SPEN: variants seen among roughly 807,000 people sequenced by gnomAD.
The protein encoded by SPEN is msx2-interacting protein.
In SPEN, 18 loss-of-function variants were observed where a neutral mutation model predicts 269.9. That is an observed-to-expected ratio of 0.07 (90% confidence interval 0.05 to 0.10). The LOEUF (loss-of-function observed/expected upper bound fraction) is 0.10, where lower values mean the gene tolerates loss of function less well. Among genes scored for constraint, SPEN ranks in the 10% least tolerant of loss-of-function variants. The probability of loss-of-function intolerance (pLI) is 1.00; values close to 1 mark genes in which losing one functional copy is unlikely to be tolerated. For synonymous variants in SPEN, 1,726 were observed against 1,765.7 expected, an observed-to-expected ratio of 0.98 and a Z score of 0.56; for missense variants, 3,822 against 4,631.2, an observed-to-expected ratio of 0.83 and a Z score of 5.07.
rs765349165 is a variant in SPEN, at chr1:15,929,473, C to T, written c.3233C>T (p.Ser1078Leu). The T allele has an allele frequency of 3.1e-6, 5 of 1,613,248 alleles. No individual in the cohort carries two copies. In the South Asian group the frequency reaches 4.4e-5, roughly 14 times the overall value. ...GCCAGTATTTCTGTTGGGTCTGGCT[C>T]AAGGCCCAGCTCAGACCTACAAGCA... is the stretch of plus-strand genomic sequence containing the variant. ...ELASISVGSG[S>L]RPSSDLQARL... Residue 1078 changes from serine to leucine, a missense_variant, in exon 11 of 15, where the codon TCA becomes TTA. Around this residue, in one of 16 missense-constraint regions of SPEN, gnomAD observed 572 missense variants for 582.6 expected, o/e 0.98. Transcript: ENST00000375759. This position sits in a 1 kb window ranked among gnomAD's most constrained non-coding sequence, Gnocchi z 5.8.
intron 5 of SPEN, among the ~76,000 whole-genome samples, chr1:15,911,850 A>G (rs538384904): frequency 3.3e-5 from 5 of 152,270 alleles, no homozygotes; most frequent in Admixed American, 2.6e-4. Context: ...AATCCCAGCT[A>G]CTTGGGAGGC....
chr1:15,904,162 T>C (rs6429787), intron 3 of SPEN, among the ~76,000 whole-genome samples: 23,503 of 152,042 alleles, frequency 0.15, 2,084 homozygotes, highest in Admixed American at 0.26. Context: ...TGGTACATTG[T>C]AGTTTAGGTT....
intron 3 of SPEN, among the ~76,000 whole-genome samples, chr1:15,900,618 T>C (rs933732085): frequency 1.3e-5 from 2 of 152,162 alleles, no homozygotes. Context: ...GAAGTTTACA[T>C]TTTTTTCTTA....
At chr1:15,920,782 G>T in intron 8 of SPEN, 88 bp from the exon 9 acceptor site, 1 of 546,800 alleles carries the variant, frequency 1.8e-6, no homozygotes, top group Non-Finnish European at 3.2e-6. Context: ...TTTCTCATCC[G>T]TGTCCTTGTG....
At chr1:15,910,614 CCTA>C (rs752501376) in intron 4 of SPEN, among the ~76,000 whole-genome samples, 42 of 150,760 alleles carry the variant, frequency 2.8e-4, no homozygotes, top group Non-Finnish European at 5.8e-4. Flanking sequence ...TTCCTGCTTT[CCTA>C]CTGTTTTTTG....
In SPEN at chr1:15,934,976, C is replaced by T. The variant is rs950776164; in HGVS notation, c.8736C>T (p.Pro2912=). Reference sequence around the variant, plus strand: ...CCGATAGGCCATCCTTGGAGAAGCCCGAGCCCATTCACCTCTCGGTGTCCA... The same window carrying T: ...CCGATAGGCCATCCTTGGAGAAGCCTGAGCCCATTCACCTCTCGGTGTCCA... ...VKADRPSLEK[P]EPIHLSVSTP... The change falls in exon 11 of 15, where the codon CCC becomes CCT. Residue 2912 remains proline (P), a synonymous_variant. Transcript: ENST00000375759. This position sits in a 1 kb window ranked among gnomAD's most constrained non-coding sequence, Gnocchi z 9.2. 22 of 1,613,858 alleles carry T rather than the reference C, an allele frequency of 1.4e-5. No individual in the cohort carries two copies. The highest frequency in any genetic ancestry group is 5.5e-5 in the South Asian group (5 of 91,074).
chr1:15,878,036 C>T (rs528721314), intron 3 of SPEN, among the ~76,000 whole-genome samples: 11 of 152,022 alleles, frequency 7.2e-5, no homozygotes, highest in East Asian at 3.9e-4. Context: ...TGAGCTACTG[C>T]GCCTGGCCAA....
intron 3 of SPEN, among the ~76,000 whole-genome samples, chr1:15,880,191 G>A (rs377622174): frequency 6.6e-6 from 1 of 152,066 alleles, no homozygotes; most frequent in African/African-American, 2.4e-5. Context: ...GAATCACTGA[G>A]AGATTCTTGC....
At chr1:15,894,470 G>A (rs541126357) in intron 3 of SPEN, among the ~76,000 whole-genome samples, 12 of 150,366 alleles carry the variant, frequency 8.0e-5, no homozygotes, top group Non-Finnish European at 1.0e-4. Context: ...TAACAAAAAC[G>A]TAGCCTCTTT....
At chr1:15,918,134 G>C (rs188282229) in intron 6 of SPEN, among the ~76,000 whole-genome samples, 18 of 152,326 alleles carry the variant, frequency 1.2e-4, no homozygotes, top group South Asian at 1.0e-3. Flanking sequence ...TCTTTAGACA[G>C]TTATCTGTTA....
intron 2 of SPEN, chr1:15,873,924 A>G (rs2070606486): frequency 8.7e-7 from 1 of 1,148,232 alleles, no homozygotes; most frequent in African/African-American, 1.6e-5. Flanking sequence ...GTTGCTGTCC[A>G]ATCAAAGGTA....
chr1:15,938,898 C>T lies in SPEN; in HGVS notation c.10863+22C>T. The T allele has an allele frequency of 2.5e-6, 4 of 1,609,308 alleles. No individual in the cohort carries two copies. The South Asian group carries it at 4.4e-5, about 18-fold the overall frequency. On this transcript the variant is annotated intron_variant, in intron 14 of 14. Coordinates refer to ENST00000375759, the MANE Select transcript of SPEN (RefSeq NM_015001.3). ...TCAGGTCGGTTGTCCTGTGTCCTTCCTTCACATGTACACCCACAGGTGGGG... is the reference window on the plus strand; with the variant it reads ...TCAGGTCGGTTGTCCTGTGTCCTTCTTTCACATGTACACCCACAGGTGGGG...
At chr1:15,869,652 G>C (rs2070553568) in intron 1 of SPEN, among the ~76,000 whole-genome samples, 1 of 150,924 alleles carries the variant, frequency 6.6e-6, no homozygotes, top group South Asian at 2.1e-4. Context: ...GGCTGGAGGT[G>C]AGTGGCATGG....
chr1:15,930,705 C>G lies in SPEN; in HGVS notation c.4465C>G (p.Pro1489Ala). The G allele has an allele frequency of 6.2e-7, 1 of 1,613,846 alleles. No individual in the cohort carries two copies. The highest frequency in any genetic ancestry group is 8.5e-7 in the Non-Finnish European group (1 of 1,179,888). The change falls in exon 11 of 15, where the codon CCT becomes GCT. Residue 1489 changes from proline to alanine, a missense_variant. Transcript: ENST00000375759. The surrounding 1 kb of genome is among the most constrained non-coding windows in gnomAD (Gnocchi z 5.3). ...DKEKVDSAPR[P>A]IPSWYMKKKK... Reference sequence around the variant, plus strand: ...AGAAAAGGTTGACTCTGCTCCAAGACCTATTCCATCCTGGTACATGAAAAA... The same window carrying G: ...AGAAAAGGTTGACTCTGCTCCAAGAGCTATTCCATCCTGGTACATGAAAAA...
At chr1:15,876,181 T>A in intron 2 of SPEN, 21 bp from the exon 3 acceptor site, 1 of 1,578,430 alleles carries the variant, frequency 6.3e-7, no homozygotes, top group Non-Finnish European at 8.7e-7. Context: ...GATTAAATAT[T>A]TTTCCCCCTC....
In SPEN at chr1:15,932,690, A is replaced by G. The variant is rs764383723; in HGVS notation, c.6450A>G (p.Lys2150=). The change falls in exon 11 of 15, where the codon AAA becomes AAG. Residue 2150 remains lysine, a synonymous_variant. Coordinates refer to ENST00000375759, the MANE Select transcript of SPEN (RefSeq NM_015001.3). The surrounding 1 kb of genome is among the most constrained non-coding windows in gnomAD (Gnocchi z 4.2). ...DPVDPDKEPE[K]EDVSASGPSP... is the part of the protein sequence containing the mutation. ...TTGATCCAGACAAGGAACCAGAGAAAGAAGACGTGTCTGCCTCTGGGCCGT... is the reference window on the plus strand; with the variant it reads ...TTGATCCAGACAAGGAACCAGAGAAGGAAGACGTGTCTGCCTCTGGGCCGT... 2 of 1,614,184 alleles carry G rather than the reference A, an allele frequency of 1.2e-6. No individual in the cohort carries two copies. The highest frequency in any genetic ancestry group is 1.1e-5 in the South Asian group (1 of 91,080).
At chr1:15,881,368 C>T (rs1282136618) in intron 3 of SPEN, among the ~76,000 whole-genome samples, 1 of 152,126 alleles carries the variant, frequency 6.6e-6, no homozygotes, top group Non-Finnish European at 1.5e-5. Flanking sequence ...GGTGACTTAT[C>T]CATAATCTCT....
intron 5 of SPEN, among the ~76,000 whole-genome samples, chr1:15,913,615 TG>T (rs1286949597): frequency 6.6e-6 from 1 of 150,776 alleles, no homozygotes; most frequent in Non-Finnish European, 1.5e-5. Flanking sequence ...TGAGCCACCA[TG>T]CCTGACCAAG....
chr1:15,924,004 C>T (rs1465484430), intron 10 of SPEN, among the ~76,000 whole-genome samples: 2 of 152,116 alleles, frequency 1.3e-5, no homozygotes, highest in Non-Finnish European at 2.9e-5. Context: ...CTCCCTACGG[C>T]CAAATTCTCA....
Sources: gnomAD v4.1 joint callset for allele counts (sites outside exome capture counted in the v4.1 genomes callset) on GRCh38, gnomAD v4.1.1 for gene constraint, gnomAD v4.1.1 regional missense constraint, Gnocchi (gnomAD v3.1) non-coding constraint, MANE v1.5 for transcripts, NCBI Gene and HGNC (gene_info 2026-07-23, HGNC 2026-07-21) for gene names.